The following COL25A1 variants were observed in gnomAD, a reference collection of about 807,000 sequenced individuals.
The protein encoded by COL25A1 is collagen type XXV alpha 1 chain.
In COL25A1, 103 loss-of-function variants were observed where a neutral mutation model predicts 128.4. The observed-to-expected ratio is 0.80, with a 90% CI of 0.68 to 0.94. COL25A1 has a LOEUF of 0.94. Ranked by LOEUF, COL25A1 falls within the 40% of genes least tolerant of loss-of-function variation. COL25A1 has a pLI of 0.00. For missense variants in COL25A1, 745 were observed against 840.0 expected, an observed-to-expected ratio of 0.89 and a Z score of 1.40; for synonymous variants, 279 against 277.2, an observed-to-expected ratio of 1.01 and a Z score of -0.06.
intron 8 of COL25A1, among the ~76,000 whole-genome samples, chr4:108,953,082 T>C (rs992823982): frequency 6.6e-6 from 1 of 152,134 alleles, no homozygotes; most frequent in African/African-American, 2.4e-5. Context: ...CTTCCTTGTA[T>C]ACCTCTGAAG....
rs201713906 is a variant in COL25A1 at position 108,962,185 on chromosome 4, C to CT, written c.492+12181dup. 4.0e-4 allele frequency among the ~76,000 whole-genome samples: 53 copies of CT among 132,050 alleles called. 1 individual carries two copies. Among genetic ancestry groups the CT allele is most frequent in the Non-Finnish European group, 4.6e-4 (27 of 59,142 alleles). The allele number at this position is 132,050 out of a possible 152,430, so 86.6% of individuals were successfully genotyped here. A position where few individuals can be genotyped will look rare whatever the true frequency, so the allele number is the denominator to read the frequency against. On this transcript the variant is annotated intron_variant, in intron 8 of 37. Coordinates refer to ENST00000399132, the MANE Select transcript of COL25A1 (RefSeq NM_198721.4). Reference sequence around the variant, plus strand: ...CCACCACCATTTCTCTACCTCGATTCTTTTTTTTTCTTTTTTTTTTGAGAC... The same window carrying CT: ...CCACCACCATTTCTCTACCTCGATTCTTTTTTTTTTCTTTTTTTTTTGAGAC...
chr4:108,884,156 A>T, intron 19 of COL25A1, 22 bp downstream of exon 19: 1 of 1,612,570 alleles, frequency 6.2e-7, no homozygotes, highest in Non-Finnish European at 8.5e-7. Context: ...TGTGAAGCCG[A>T]GACTGTCCGT....
chr4:109,033,449 C>T (rs957546097), intron 5 of COL25A1, among the ~76,000 whole-genome samples: 2 of 152,112 alleles, frequency 1.3e-5, no homozygotes, highest in Non-Finnish European at 2.9e-5. Context: ...AGTCATGTTG[C>T]GATAGCAGGA....
chr4:108,899,308 T>G lies in COL25A1; in HGVS notation c.835-128A>C, dbSNP rs555112915. 983 of 725,396 alleles carry G rather than the reference T, an allele frequency of 1.4e-3. 8 individuals are homozygous for G. The highest frequency in any genetic ancestry group is 8.2e-4 in the Admixed American group (28 of 34,216). 44.9% of individuals were successfully genotyped at this position (725,396 alleles called of 1,614,324 possible). A position where few individuals can be genotyped will look rare whatever the true frequency, so the allele number is the denominator to read the frequency against. On this transcript the variant is annotated intron_variant, in intron 14 of 37. Coordinates refer to ENST00000399132, the MANE Select transcript of COL25A1 (RefSeq NM_198721.4). ...CATGACATTTTCTATTTTGGCTACA[T>G]GCAGTTGCTATATGAAAACAAATGA...
intron 3 of COL25A1, among the ~76,000 whole-genome samples, chr4:109,074,347 T>C (rs773831191): frequency 2.6e-5 from 4 of 152,166 alleles, no homozygotes; most frequent in Non-Finnish European, 5.9e-5. Context: ...TTTGGACTAG[T>C]TGAGAAATAA....
chr4:109,258,534 G>A (rs1263647106), intron 3 of COL25A1, among the ~76,000 whole-genome samples: 3 of 152,062 alleles, frequency 2.0e-5, no homozygotes, highest in Non-Finnish European at 4.4e-5. Flanking sequence ...TGTTCAATAA[G>A]TTCTTTAAAA....
At chr4:108,917,629 A>T (rs537760305) in intron 13 of COL25A1, among the ~76,000 whole-genome samples, 2 of 152,314 alleles carry the variant, frequency 1.3e-5, no homozygotes, top group South Asian at 4.1e-4. Flanking sequence ...TGTTTCTTTC[A>T]CTTTACTTTT....
chr4:108,903,970 G>A (rs1553964450), intron 13 of COL25A1, among the ~76,000 whole-genome samples: 1 of 152,054 alleles, frequency 6.6e-6, no homozygotes, highest in South Asian at 2.1e-4. Flanking sequence ...AGTGAATAAA[G>A]CTAGAGGAAA....
intron 5 of COL25A1, among the ~76,000 whole-genome samples, chr4:109,019,369 C>CATATAT (rs1320479600): frequency 1.2e-3 from 11 of 9,234 alleles, no homozygotes; most frequent in Non-Finnish European, 2.0e-3. Flanking sequence ...CACACACACA[C>CATATAT]ACACACATAT....
intron 31 of COL25A1, among the ~76,000 whole-genome samples, chr4:108,841,120 T>G (rs898728529): frequency 6.6e-6 from 1 of 152,194 alleles, no homozygotes; most frequent in Non-Finnish European, 1.5e-5. Context: ...GCTACACTAA[T>G]TCTGACAAAG....
chr4:108,914,400 C>T (rs903511114), intron 13 of COL25A1, among the ~76,000 whole-genome samples: 8 of 152,124 alleles, frequency 5.3e-5, no homozygotes, highest in Admixed American at 4.6e-4. Context: ...CCTACATCAG[C>T]CCACTGGTGA....
intron 6 of COL25A1, among the ~76,000 whole-genome samples, chr4:108,978,887 T>C (rs928491512): frequency 6.6e-6 from 1 of 152,188 alleles, no homozygotes; most frequent in African/African-American, 2.4e-5. Flanking sequence ...TGGTCTAGAA[T>C]CCAATAGTCA....
At chr4:108,946,895 A>G (rs1357655570) in intron 8 of COL25A1, among the ~76,000 whole-genome samples, 2 of 152,158 alleles carry the variant, frequency 1.3e-5, no homozygotes, top group African/African-American at 4.8e-5. Flanking sequence ...GGACAAATCA[A>G]TTGTTTCAAT....
At chr4:109,039,810 C>T (rs1176587786) in intron 5 of COL25A1, among the ~76,000 whole-genome samples, 1 of 152,168 alleles carries the variant, frequency 6.6e-6, no homozygotes, top group Admixed American at 6.5e-5. Context: ...ACTCTATGAA[C>T]TAATTATTAA....
At chr4:108,976,474 T>A (rs1187191886) in intron 6 of COL25A1, among the ~76,000 whole-genome samples, 1 of 152,216 alleles carries the variant, frequency 6.6e-6, no homozygotes, top group Non-Finnish European at 1.5e-5. Context: ...TTTCCTTACC[T>A]TTGAACAGAA....
intron 3 of COL25A1, among the ~76,000 whole-genome samples, chr4:109,069,039 G>A (rs999175943): frequency 1.3e-5 from 2 of 151,732 alleles, no homozygotes; most frequent in African/African-American, 4.8e-5. Context: ...AAGCCCTCAA[G>A]AAATATGAAT....
chr4:109,150,512 C>G (rs889943695), intron 3 of COL25A1, among the ~76,000 whole-genome samples: 4 of 151,958 alleles, frequency 2.6e-5, no homozygotes, highest in African/African-American at 9.7e-5. Context: ...AATGTGGTGC[C>G]GAGATGTGGT....
At chr4:109,158,281 T>C (rs1772225609) in intron 3 of COL25A1, among the ~76,000 whole-genome samples, 1 of 151,890 alleles carries the variant, frequency 6.6e-6, no homozygotes, top group African/African-American at 2.4e-5. Context: ...TACCAATCTG[T>C]GTGTCTTCCT....
chr4:109,227,935 G>C (rs1047608092), intron 3 of COL25A1, among the ~76,000 whole-genome samples: 2 of 152,112 alleles, frequency 1.3e-5, no homozygotes, highest in Non-Finnish European at 1.5e-5. Flanking sequence ...GAACGCCTCA[G>C]AACCAGGGAA....
Sources: allele counts gnomAD v4.1 joint callset (sites outside exome capture counted in the v4.1 genomes callset), GRCh38; gene constraint gnomAD v4.1.1; transcripts MANE v1.5; gene names NCBI Gene and HGNC (gene_info 2026-07-23, HGNC 2026-07-21).